Variants in MBNL2 observed in about 807,000 individuals in gnomAD.
The protein encoded by MBNL2 is muscleblind like splicing regulator 2.
MBNL2 carries 17 observed loss-of-function variants against 41.9 expected under a neutral mutation model. The observed-to-expected ratio is 0.41, with a 90% CI of 0.28 to 0.61. The LOEUF is 0.61. Among genes scored for constraint, MBNL2 ranks in the 20% least tolerant of loss-of-function variants. The pLI is 0.35. For synonymous variants in MBNL2, 195 were observed against 182.9 expected (o/e 1.07, Z -0.53); for missense variants, 336 against 505.6 (o/e 0.66, Z 3.22).
intron 2 of MBNL2, among the ~76,000 whole-genome samples, chr13:97,307,858 C>T (rs998221003): frequency 3.3e-5 from 5 of 152,176 alleles, no homozygotes; most frequent in African/African-American, 4.8e-5. Context: ...GGGCACGGAT[C>T]GTATTTTCTG....
chr13:97,234,513 G>GAAT (rs1213105336), intron 1 of MBNL2, among the ~76,000 whole-genome samples: 1 of 152,094 alleles, frequency 6.6e-6, no homozygotes, highest in African/African-American at 2.4e-5. Context: ...GGGGGGTAGT[G>GAAT]AATAGATGAA....
intron 8 of MBNL2, among the ~76,000 whole-genome samples, chr13:97,369,060 T>C (rs2064126888): frequency 6.6e-6 from 1 of 152,142 alleles, no homozygotes; most frequent in South Asian, 2.1e-4. Flanking sequence ...ATAAAAACCA[T>C]GGAAAAATAA....
chr13:97,188,408 G>A, the MBNL2 span, among the ~76,000 whole-genome samples: 1 of 152,248 alleles, frequency 6.6e-6, no homozygotes, highest in African/African-American at 2.4e-5. Context: ...TCAGAGTGGA[G>A]ACATTTGCTG....
the MBNL2 span, among the ~76,000 whole-genome samples, chr13:97,185,025 T>G: frequency 5.3e-5 from 8 of 152,372 alleles, no homozygotes; most frequent in African/African-American, 1.9e-4. Context: ...TGGGCTATTT[T>G]CATATTGCAC....
chr13:97,172,656 A>G, the MBNL2 span: 1 of 152,206 alleles, frequency 6.6e-6, no homozygotes, highest in Non-Finnish European at 1.5e-5. Flanking sequence ...GAACTGTAAG[A>G]ATGAAAACTT....
chr13:97,319,093 T>C (rs2059287572), intron 2 of MBNL2, among the ~76,000 whole-genome samples: 1 of 152,144 alleles, frequency 6.6e-6, no homozygotes, highest in Non-Finnish European at 1.5e-5. Flanking sequence ...CAGGGTTTTC[T>C]GGAGGCAAAG....
At chr13:97,354,019 A>C (rs1202091766) in intron 5 of MBNL2, among the ~76,000 whole-genome samples, 1 of 143,148 alleles carries the variant, frequency 7.0e-6, no homozygotes, top group Non-Finnish European at 1.5e-5. Flanking sequence ...CTTGATTTGC[A>C]GGTGAATTGG....
intron 2 of MBNL2, among the ~76,000 whole-genome samples, chr13:97,291,483 C>T (rs1256563253): frequency 6.6e-6 from 1 of 152,050 alleles, no homozygotes; most frequent in Non-Finnish European, 1.5e-5. Context: ...CCTCGTGATC[C>T]GCCCACCTCA....
rs1247308624 is a variant in MBNL2, at chr13:97,227,117, T to A, written c.-605+4586T>A. Among the ~76,000 whole-genome samples, 4 of 151,768 alleles carry A rather than the reference T, an allele frequency of 2.6e-5. No individual in the cohort carries two copies. The East Asian group carries it at 7.7e-4, about 29-fold the overall frequency. On this transcript the variant is annotated intron_variant, in intron 1 of 8. Coordinates refer to ENST00000679496, the MANE Select transcript of MBNL2 (RefSeq NM_001382683.1). ...AAACACTAAGTTTTGGGTTTATTTG[T>A]TGGTTTTACCCTAACATCACAGTTA...
the MBNL2 span, among the ~76,000 whole-genome samples, chr13:97,148,102 T>G: frequency 6.6e-6 from 1 of 152,126 alleles, no homozygotes; most frequent in Non-Finnish European, 1.5e-5. Flanking sequence ...GAGCGACCGG[T>G]TACATAAGAG....
chr13:97,232,577 A>G (rs1443290398), intron 1 of MBNL2, among the ~76,000 whole-genome samples: 1 of 152,212 alleles, frequency 6.6e-6, no homozygotes, highest in Non-Finnish European at 1.5e-5. Context: ...GGATGGAAAC[A>G]TGCAACCCTT....
the MBNL2 span, among the ~76,000 whole-genome samples, chr13:97,152,839 C>A: frequency 2.6e-5 from 4 of 151,964 alleles, no homozygotes; most frequent in Non-Finnish European, 5.9e-5. Flanking sequence ...ACACTGGATC[C>A]AAGAAACAAG....
At chr13:97,298,345 G>T (rs187120479) in intron 2 of MBNL2, among the ~76,000 whole-genome samples, 15 of 152,234 alleles carry the variant, frequency 9.9e-5, no homozygotes, top group Admixed American at 9.8e-4. Context: ...CTATTTGCTT[G>T]GTGTCTGTCT....
At chr13:97,288,977 A>G (rs1173206277) in intron 2 of MBNL2, among the ~76,000 whole-genome samples, 1 of 152,232 alleles carries the variant, frequency 6.6e-6, no homozygotes, top group Non-Finnish European at 1.5e-5. Context: ...GCTCTGTAGA[A>G]CATGATATAT....
the MBNL2 span, among the ~76,000 whole-genome samples, chr13:97,197,607 C>G: frequency 6.6e-6 from 1 of 152,062 alleles, no homozygotes; most frequent in Non-Finnish European, 1.5e-5. Context: ...TGCTTTCTTT[C>G]TCTTATTTAA....
chr13:97,315,329 C>T (rs2058946461), intron 2 of MBNL2, among the ~76,000 whole-genome samples: 1 of 152,156 alleles, frequency 6.6e-6, no homozygotes, highest in African/African-American at 2.4e-5. Context: ...CTGTGTCTTC[C>T]AAAAATTCAT....
chr13:97,155,068 A>C, the MBNL2 span, among the ~76,000 whole-genome samples: 1 of 151,944 alleles, frequency 6.6e-6, no homozygotes, highest in South Asian at 2.1e-4. Context: ...ATGAGCCCAA[A>C]CTCCTGGGAG....
intron 2 of MBNL2, among the ~76,000 whole-genome samples, chr13:97,277,255 T>C (rs1376725922): frequency 1.3e-5 from 2 of 152,170 alleles, no homozygotes; most frequent in African/African-American, 4.8e-5. Flanking sequence ...GGGGGGTGTA[T>C]TCAGCCCTAA....
chr13:97,382,478 CTG>C (rs2065544451), intron 8 of MBNL2, among the ~76,000 whole-genome samples: 2 of 152,198 alleles, frequency 1.3e-5, no homozygotes, highest in African/African-American at 4.8e-5. Flanking sequence ...GCCATAATCC[CTG>C]GTGAATTCCA....
Sources: gnomAD v4.1 joint callset for allele counts (sites outside exome capture counted in the v4.1 genomes callset) on GRCh38, gnomAD v4.1.1 for gene constraint, MANE v1.5 for transcripts, NCBI Gene and HGNC (gene_info 2026-07-23, HGNC 2026-07-21) for gene names.